Variants in SRGAP1 observed in about 807,000 individuals in gnomAD.
SRGAP1 encodes SLIT-ROBO Rho GTPase activating protein 1.
A neutral mutation model predicts 121.9 loss-of-function variants in SRGAP1; 43 were observed. The ratio of observed to expected loss-of-function variants is 0.35; its 90% confidence interval spans 0.28 to 0.46. The LOEUF (loss-of-function observed/expected upper bound fraction) is 0.46, where lower values mean the gene tolerates loss of function less well. Among genes scored for constraint, SRGAP1 ranks in the 20% least tolerant of loss-of-function variants. SRGAP1 has a pLI of 1.00. For synonymous variants in SRGAP1, 447 were observed against 485.4 expected (o/e 0.92, Z 1.04); for missense variants, 1,102 against 1,350.9 (o/e 0.82, Z 2.89).
intron 6 of SRGAP1, among the ~76,000 whole-genome samples, chr12:64,044,531 G>A (rs1455408845): frequency 6.6e-6 from 1 of 151,912 alleles, no homozygotes; most frequent in Non-Finnish European, 1.5e-5. Context: ...CATACAGTAG[G>A]TTAAAACAAC....
intron 1 of SRGAP1, chr12:63,879,011 T>C (rs1317857437): frequency 6.6e-6 from 1 of 152,136 alleles, no homozygotes; most frequent in Non-Finnish European, 1.5e-5. Context: ...ATTTACATTT[T>C]TTTTTCTTTT....
intron 8 of SRGAP1, among the ~76,000 whole-genome samples, chr12:64,068,537 G>A (rs1216292063): frequency 6.6e-6 from 1 of 151,190 alleles, no homozygotes; most frequent in Non-Finnish European, 1.5e-5. Context: ...GTTTCCCCAT[G>A]TTGCCCAGGC....
At chr12:63,888,469 A>T (rs1189083012) in intron 1 of SRGAP1, 1 of 152,154 alleles carries the variant, frequency 6.6e-6, no homozygotes, top group Non-Finnish European at 1.5e-5. Context: ...TTGGTTTATT[A>T]TAAACCCGAG....
At chr12:63,965,464 G>T (rs1374481494) in intron 1 of SRGAP1, among the ~76,000 whole-genome samples, 4 of 152,026 alleles carry the variant, frequency 2.6e-5, no homozygotes, top group Non-Finnish European at 5.9e-5. Context: ...GTCTACTTTT[G>T]TAGGAATAAA....
rs576270406 is a variant in SRGAP1 at position 63,995,929 on chromosome 12, C to T, written c.426+5857C>T. 1.9e-4 allele frequency among the ~76,000 whole-genome samples: 29 copies of T among 151,012 alleles called. No individual in the cohort carries two copies. In the South Asian group the frequency reaches 5.9e-3, roughly 31 times the overall value. On this transcript the variant is annotated intron_variant, in intron 3 of 21. Transcript: ENST00000355086. ...GAGAAAAGCTGTAGTTTCAAATACA[C>T]CATTTAAAATAGGTTAATATTCAAA... is the stretch of plus-strand genomic sequence containing the variant.
intron 3 of SRGAP1, among the ~76,000 whole-genome samples, chr12:64,015,995 C>G (rs1375210138): frequency 6.6e-6 from 1 of 152,174 alleles, no homozygotes; most frequent in Non-Finnish European, 1.5e-5. Context: ...CTATCAAACT[C>G]TCAGAATTAG....
At chr12:63,895,404 T>A (rs1900720838) in intron 1 of SRGAP1, among the ~76,000 whole-genome samples, 1 of 152,222 alleles carries the variant, frequency 6.6e-6, no homozygotes. Context: ...AAATTAGAAT[T>A]AACATTATTT....
intron 1 of SRGAP1, among the ~76,000 whole-genome samples, chr12:63,858,792 T>C (rs1487777335): frequency 6.6e-6 from 1 of 152,172 alleles, no homozygotes; most frequent in Non-Finnish European, 1.5e-5. Context: ...AACCTCTGCC[T>C]CCTGGGTTCA....
At chr12:63,849,992 A>G (rs1490771568) in intron 1 of SRGAP1, among the ~76,000 whole-genome samples, 2 of 152,204 alleles carry the variant, frequency 1.3e-5, no homozygotes, top group East Asian at 3.8e-4. Context: ...TCGTCTGTGA[A>G]CAGGAGTTAA....
intron 2 of SRGAP1, 141 bp from the exon 3 acceptor site, chr12:63,989,769 C>T (rs1593010282): frequency 5.0e-6 from 3 of 604,928 alleles, no homozygotes; most frequent in Non-Finnish European, 8.6e-6. Flanking sequence ...TGATAAGTGT[C>T]CTGGTCTGAG....
chr12:64,129,870 C>T (rs894971073), intron 21 of SRGAP1, among the ~76,000 whole-genome samples: 6 of 152,212 alleles, frequency 3.9e-5, no homozygotes, highest in Non-Finnish European at 7.3e-5. Flanking sequence ...ATACTCATGA[C>T]AATTACAGTC....
chr12:63,933,197 C>T (rs1323514198), intron 1 of SRGAP1, among the ~76,000 whole-genome samples: 4 of 151,832 alleles, frequency 2.6e-5, no homozygotes, highest in African/African-American at 9.7e-5. Flanking sequence ...CAAACCTGCA[C>T]GTTATGCACA....
chr12:64,033,612 G>A (rs2034832070), intron 4 of SRGAP1, among the ~76,000 whole-genome samples: 1 of 152,184 alleles, frequency 6.6e-6, no homozygotes, highest in Admixed American at 6.5e-5. Context: ...CAGCTACTCT[G>A]GGGGCTGAGG....
intron 8 of SRGAP1, among the ~76,000 whole-genome samples, chr12:64,069,862 T>C (rs1015305587): frequency 3.9e-5 from 6 of 152,190 alleles, no homozygotes; most frequent in African/African-American, 1.4e-4. Flanking sequence ...TTTCAATTAT[T>C]GTTCATGAAT....
chr12:63,913,000 C>T (rs1360967247), intron 1 of SRGAP1, among the ~76,000 whole-genome samples: 1 of 152,002 alleles, frequency 6.6e-6, no homozygotes, highest in East Asian at 1.9e-4. Context: ...TTTGAAATTT[C>T]ATCAAATAGG....
intron 1 of SRGAP1, among the ~76,000 whole-genome samples, chr12:63,919,034 G>C (rs76284724): frequency 0.011 from 1,681 of 151,940 alleles, 39 homozygotes; most frequent in African/African-American, 0.039. Flanking sequence ...TTGGGGAGGG[G>C]TGTTTTTTGT....
chr12:64,027,404 A>C (rs1432965326), intron 4 of SRGAP1, among the ~76,000 whole-genome samples: 2 of 152,068 alleles, frequency 1.3e-5, no homozygotes, highest in Non-Finnish European at 1.5e-5. Context: ...AGAGGGGTCC[A>C]TGTTGAGGAC....
Position 63,989,864 on chromosome 12 carries a change from G to A in SRGAP1, c.264-46G>A, listed in dbSNP as rs113258766. On this transcript the variant is annotated intron_variant, in intron 2 of 21. Coordinates refer to ENST00000355086, the MANE Select transcript of SRGAP1 (RefSeq NM_020762.4). Reference sequence around the variant, plus strand: ...TTGGTGACTTCACTCATCTGATTGGGGCAACTTTGAAATGGGTGGTAATTC... The same window carrying A: ...TTGGTGACTTCACTCATCTGATTGGAGCAACTTTGAAATGGGTGGTAATTC... The A allele has an allele frequency of 2.9e-5, 45 of 1,532,092 alleles. 1 individual carries two copies. The South Asian group carries it at 5.4e-4, about 18-fold the overall frequency. 94.9% of individuals were successfully genotyped at this position (1,532,092 alleles called of 1,614,324 possible). A position where few individuals can be genotyped will look rare whatever the true frequency, so the allele number is the denominator to read the frequency against.
chr12:64,097,572 C>T (rs890009612), intron 15 of SRGAP1, 197 bp downstream of exon 15: 4 of 495,986 alleles, frequency 8.1e-6, no homozygotes, highest in African/African-American at 7.9e-5. Context: ...GCTGAGTGGG[C>T]TTTCCTCCTG....
Sources: allele counts gnomAD v4.1 joint callset (sites outside exome capture counted in the v4.1 genomes callset), GRCh38; gene constraint gnomAD v4.1.1; transcripts MANE v1.5; gene names NCBI Gene and HGNC (gene_info 2026-07-23, HGNC 2026-07-21).